The following RHCE variants were observed in gnomAD, a reference collection of about 807,000 sequenced individuals.
RHCE encodes blood group Rh(CE) polypeptide.
RHCE carries 22 observed loss-of-function variants against 43.8 expected under a neutral mutation model. The ratio of observed to expected loss-of-function variants is 0.50; its 90% CI spans 0.36 to 0.72. RHCE has a LOEUF of 0.72. Ranked by LOEUF, RHCE falls within the 30% of genes least tolerant of loss-of-function variation. The pLI, the probability that RHCE is intolerant of heterozygous loss-of-function variation, is 0.00. For missense variants in RHCE, 385 were observed against 525.4 expected, an observed-to-expected ratio of 0.73 and a Z score of 2.61; for synonymous variants, 156 against 210.7, an observed-to-expected ratio of 0.74 and a Z score of 2.25.
chr1:25,416,218 T>C (rs1417172310), intron 1 of RHCE, among the ~76,000 whole-genome samples: 1 of 152,192 alleles, frequency 6.6e-6, no homozygotes, highest in Non-Finnish European at 1.5e-5. Flanking sequence ...TTCTCTATAT[T>C]CTTCATGTTG....
intron 8 of RHCE, among the ~76,000 whole-genome samples, chr1:25,371,848 G>A (rs1466743204): frequency 6.6e-6 from 1 of 151,396 alleles, no homozygotes; most frequent in African/African-American, 2.5e-5. Flanking sequence ...TTCCAGTGTC[G>A]TTAACAAGAA....
Position 25,408,695 on chromosome 1 carries a change from A to C in RHCE, c.323T>G (p.Ile108Ser). The C allele has an allele frequency of 7.8e-7, 1 of 1,282,602 alleles. No homozygotes were observed. The highest frequency in any genetic ancestry group is 2.2e-4 in the Middle Eastern group (1 of 4,570). 79.5% of individuals were successfully genotyped at this position (1,282,602 alleles called of 1,614,324 possible). A position where few individuals can be genotyped will look rare whatever the true frequency, so the allele number is the denominator to read the frequency against. The change falls in exon 2 of 10, where the codon ATC (isoleucine) becomes AGC (serine). Residue 108 changes from isoleucine (I) to serine (S), a missense_variant. By Grantham distance (142) the Ile-to-Ser change is moderately radical. This residue lies in a region of RHCE where 110 missense variants were observed against 192.1 expected (regional missense o/e 0.57). Coordinates refer to ENST00000294413, the MANE Select transcript of RHCE (RefSeq NM_020485.8). ...LSQFPPGKVV[I>S]TLFSIRLATM... ...ACCATCCCAATACCTGAACAGTGTG[A>C]TGACCACCTTCCCAGGAGGGAACTG...
chr1:25,376,767 A>G (rs1402139575), intron 7 of RHCE, among the ~76,000 whole-genome samples: 1 of 151,978 alleles, frequency 6.6e-6, no homozygotes, highest in African/African-American at 2.4e-5. Context: ...ACAAAACATT[A>G]GCCGGGAGTG....
At chr1:25,417,455 G>C (rs1468036867) in intron 1 of RHCE, among the ~76,000 whole-genome samples, 1 of 152,154 alleles carries the variant, frequency 6.6e-6, no homozygotes, top group Non-Finnish European at 1.5e-5. Context: ...AAAAAGGAAA[G>C]GCAGAGTGAA....
intron 2 of RHCE, among the ~76,000 whole-genome samples, chr1:25,427,847 CAT>C: frequency 6.6e-6 from 1 of 152,340 alleles, no homozygotes; most frequent in East Asian, 1.9e-4. Flanking sequence ...TGCTTCTAAA[CAT>C]AGAACTAGAA....
At chr1:25,413,397 T>TCA (rs1647161420) in intron 1 of RHCE, among the ~76,000 whole-genome samples, 1 of 152,118 alleles carries the variant, frequency 6.6e-6, no homozygotes, top group Admixed American at 6.6e-5. Flanking sequence ...CTCACTGGTA[T>TCA]CAGCCTCCAC....
chr1:25,424,923 T>G (rs1162101479), upstream of RHCE, among the ~76,000 whole-genome samples: 3 of 151,952 alleles, frequency 2.0e-5, no homozygotes, highest in Non-Finnish European at 4.4e-5. Context: ...TTCAAGCGAT[T>G]CTCCTTCCTC....
intron 1 of RHCE, among the ~76,000 whole-genome samples, chr1:25,415,984 T>A (rs905978827): frequency 6.6e-6 from 1 of 151,788 alleles, no homozygotes; most frequent in African/African-American, 2.4e-5. Context: ...TTCCAGGAGA[T>A]GCTGAGGCAG....
chr1:25,429,256 C>G (rs1433069078), intron 1 of RHCE, among the ~76,000 whole-genome samples: 4 of 131,874 alleles, frequency 3.0e-5, no homozygotes, highest in Non-Finnish European at 1.5e-5. Context: ...GACAAAGTCT[C>G]GCTCTCCTGC....
chr1:25,386,381 G>A (rs1646160957), intron 6 of RHCE, among the ~76,000 whole-genome samples: 1 of 152,172 alleles, frequency 6.6e-6, no homozygotes, highest in Non-Finnish European at 1.5e-5. Flanking sequence ...TAGAAAGAAA[G>A]CATGAGGCCA....
At chr1:25,373,110 A>G (rs1001688560) in intron 8 of RHCE, among the ~76,000 whole-genome samples, 2 of 151,630 alleles carry the variant, frequency 1.3e-5, no homozygotes, top group African/African-American at 4.9e-5. Context: ...TTTAATCACC[A>G]GTTTGCTCAT....
chr1:25,410,035 T>G (rs1647025365), intron 1 of RHCE, among the ~76,000 whole-genome samples: 1 of 151,918 alleles, frequency 6.6e-6, no homozygotes, highest in South Asian at 2.1e-4. Context: ...TAGCTGGGAT[T>G]ACAGGTGCCC....
At chr1:25,404,179 A>AAAG (rs1646844432) in intron 2 of RHCE, among the ~76,000 whole-genome samples, 1 of 151,660 alleles carries the variant, frequency 6.6e-6, no homozygotes, top group Non-Finnish European at 1.5e-5. Context: ...CAAAAAAAAA[A>AAAG]AAAAAAAAAA....
intron 1 of RHCE, among the ~76,000 whole-genome samples, chr1:25,415,544 C>T (rs1463537671): frequency 6.6e-6 from 1 of 151,794 alleles, no homozygotes; most frequent in Non-Finnish European, 1.5e-5. Flanking sequence ...CCCAGCTACT[C>T]GGGAGGCTGA....
intron 3 of RHCE, among the ~76,000 whole-genome samples, chr1:25,395,505 C>T (rs1314088163): frequency 6.6e-6 from 1 of 152,146 alleles, no homozygotes; most frequent in African/African-American, 2.4e-5. Flanking sequence ...GCACTTCCTG[C>T]CCTTGGAGGT....
chr1:25,417,773 T>C (rs917025797), intron 1 of RHCE, among the ~76,000 whole-genome samples: 6 of 152,224 alleles, frequency 3.9e-5, no homozygotes, highest in Admixed American at 1.3e-4. Flanking sequence ...CCATGGTACA[T>C]GCTCAAAAAA....
In RHCE at chr1:25,369,681, A is replaced by G. The variant is rs796649260; in HGVS notation, c.1227+786T>C. On this transcript the variant is annotated intron_variant, in intron 9 of 9. Transcript: ENST00000294413. ...TTTTTGTGCCTGCTTGTTATCATTT[A>G]TCAAGAGCTGTGTTCAGGACTCAGC... Among the ~76,000 whole-genome samples, 13 of 149,206 alleles carry G rather than the reference A, an allele frequency of 8.7e-5. 2 individuals are homozygous for G. The highest frequency in any genetic ancestry group is 2.5e-4 in the African/African-American group (10 of 40,058).
chr1:25,416,821 G>GT lies in RHCE; in HGVS notation c.148+3817_148+3818insA, dbSNP rs1267746176. Among the ~76,000 whole-genome samples the GT allele has an allele frequency of 3.2e-4, 48 of 147,808 alleles. 1 individual carries two copies. Among genetic ancestry groups the GT allele is most frequent in the Admixed American group, 6.0e-4 (9 of 14,978 alleles). On this transcript the variant is annotated intron_variant, in intron 1 of 9. Transcript: ENST00000294413. ...TTTTTTTTTTTTTTTAGAGATGGCG[G>GT]GGGGGGGTCTCCCTATGTTTCCTAG...
At chr1:25,393,576 G>T (rs1434511441) in intron 3 of RHCE, among the ~76,000 whole-genome samples, 1 of 152,124 alleles carries the variant, frequency 6.6e-6, no homozygotes, top group Non-Finnish European at 1.5e-5. Context: ...AGCTGAGATG[G>T]CGCCACTGCA....
Sources: allele counts gnomAD v4.1 joint callset (sites outside exome capture counted in the v4.1 genomes callset), GRCh38; gene constraint gnomAD v4.1.1; regional missense constraint gnomAD v4.1.1; transcripts MANE v1.5; gene names NCBI Gene and HGNC (gene_info 2026-07-23, HGNC 2026-07-21).